MYO16: variants seen among roughly 807,000 people sequenced by gnomAD.
MYO16 encodes the protein myosin XVI, also known as unconventional myosin-XVI.
In MYO16, 94 loss-of-function variants were observed where a neutral mutation model predicts 205.3. That is an observed-to-expected ratio of 0.46 (90% CI 0.39 to 0.54). The LOEUF (loss-of-function observed/expected upper bound fraction) is 0.54, where lower values mean the gene tolerates loss of function less well. Ranked by LOEUF, MYO16 falls within the 20% of genes least tolerant of loss-of-function variation. The pLI is 0.00. For missense variants in MYO16, 2,315 were observed against 2,387.5 expected (o/e 0.97, Z 0.63); for synonymous variants, 988 against 954.0 (o/e 1.04, Z -0.66).
At chr13:108,554,935 A>G in the MYO16 span, among the ~76,000 whole-genome samples, 1 of 151,420 alleles carries the variant, frequency 6.6e-6, no homozygotes, top group Admixed American at 6.6e-5. Context: ...CTTGGAAGAG[A>G]TCTGGATATA....
chr13:109,006,793 C>A (rs1438398496), intron 21 of MYO16, among the ~76,000 whole-genome samples: 1 of 152,134 alleles, frequency 6.6e-6, no homozygotes, highest in East Asian at 1.9e-4. Context: ...GATGAGGGAA[C>A]ATAAAGGTCT....
At chr13:109,185,047 G>A (rs1879627381) in intron 34 of MYO16, among the ~76,000 whole-genome samples, 1 of 152,144 alleles carries the variant, frequency 6.6e-6, no homozygotes, top group Non-Finnish European at 1.5e-5. Flanking sequence ...TGTTATTACA[G>A]GAGTGAGCCA....
rs537571274 is a variant in MYO16, at chr13:108,900,538, G to C, written c.1777+2405G>C. 7.9e-5 allele frequency among the ~76,000 whole-genome samples: 12 copies of C among 152,216 alleles called. No homozygotes were observed. In the South Asian group the frequency reaches 2.5e-3, roughly 32 times the overall value. ...AATTAATACTTTTATAATTTCTTAC[G>C]CCTGTCTTTACTGCAGTCTCTGAAC... is the stretch of plus-strand genomic sequence containing the variant. On this transcript the variant is annotated intron_variant, in intron 15 of 34. Coordinates refer to ENST00000457511, the MANE Select transcript of MYO16 (RefSeq NM_001198950.3).
At chr13:108,975,541 C>T (rs1884223855) in intron 20 of MYO16, among the ~76,000 whole-genome samples, 1 of 152,070 alleles carries the variant, frequency 6.6e-6, no homozygotes, top group Non-Finnish European at 1.5e-5. Flanking sequence ...AGGGACGCAG[C>T]CATCAGGAGC....
intron 21 of MYO16, among the ~76,000 whole-genome samples, chr13:109,003,106 G>A (rs941047603): frequency 8.6e-5 from 13 of 151,380 alleles, no homozygotes; most frequent in Non-Finnish European, 1.6e-4. Context: ...AAATTATTTT[G>A]AAAAAAAACA....
At chr13:108,929,962 A>G (rs1342029264) in intron 16 of MYO16, among the ~76,000 whole-genome samples, 1 of 152,236 alleles carries the variant, frequency 6.6e-6, no homozygotes, top group Non-Finnish European at 1.5e-5. Flanking sequence ...TGCATGAATA[A>G]GAATAGATCT....
At chr13:108,625,691 G>A (rs570975966), upstream of MYO16, among the ~76,000 whole-genome samples, 1 of 152,224 alleles carries the variant, frequency 6.6e-6, no homozygotes, top group South Asian at 2.1e-4. Flanking sequence ...CTATTCACAG[G>A]GCAGAGGCAA....
At chr13:108,498,440 A>C in the MYO16 span, among the ~76,000 whole-genome samples, 3 of 152,134 alleles carry the variant, frequency 2.0e-5, no homozygotes, top group Non-Finnish European at 4.4e-5. Context: ...CTCCTGAGAA[A>C]AGGGCTGGCC....
At chr13:108,970,995 G>A (rs565554976) in intron 20 of MYO16, among the ~76,000 whole-genome samples, 13 of 152,058 alleles carry the variant, frequency 8.5e-5, no homozygotes, top group African/African-American at 3.1e-4. Context: ...TTTTATAAAG[G>A]ATATCATCCA....
chr13:108,650,872 A>G (rs1175822671), intron 1 of MYO16, among the ~76,000 whole-genome samples: 1 of 152,204 alleles, frequency 6.6e-6, no homozygotes, highest in African/African-American at 2.4e-5. Context: ...GGAAACAGCC[A>G]TAGGAGGCAG....
intron 5 of MYO16, among the ~76,000 whole-genome samples, chr13:108,793,009 A>G (rs1269976363): frequency 1.3e-5 from 2 of 152,334 alleles, no homozygotes; most frequent in East Asian, 3.9e-4. Context: ...AAGGCATCAT[A>G]TCATACTTTA....
chr13:108,754,099 A>G (rs542373070), intron 4 of MYO16, among the ~76,000 whole-genome samples: 9 of 152,344 alleles, frequency 5.9e-5, no homozygotes, highest in African/African-American at 2.2e-4. Flanking sequence ...AGCATGCAGG[A>G]CAAGTTGTAG....
intron 28 of MYO16, among the ~76,000 whole-genome samples, chr13:109,109,099 A>G (rs1339043806): frequency 3.3e-5 from 5 of 152,176 alleles, no homozygotes; most frequent in African/African-American, 1.2e-4. Context: ...CCTGCTGGAT[A>G]ATATGAGGCC....
intron 2 of MYO16, among the ~76,000 whole-genome samples, chr13:108,707,985 T>G (rs1926520): frequency 0.86 from 130,116 of 152,054 alleles, 57,085 homozygotes; most frequent in Non-Finnish European, 0.97. Context: ...AGCAATGGTT[T>G]TGTGACCCTC....
chr13:109,029,993 T>A (rs1389282043), intron 23 of MYO16, among the ~76,000 whole-genome samples: 2 of 152,196 alleles, frequency 1.3e-5, no homozygotes, highest in Non-Finnish European at 2.9e-5. Flanking sequence ...GTATATTTTT[T>A]CATAAAGGAA....
intron 12 of MYO16, among the ~76,000 whole-genome samples, chr13:108,878,031 C>T (rs904547201): frequency 1.3e-5 from 2 of 152,032 alleles, no homozygotes; most frequent in African/African-American, 2.4e-5. Context: ...GTTTTCTTTA[C>T]CTAAATAGAT....
chr13:108,714,116 G>A (rs1394842644), intron 3 of MYO16, among the ~76,000 whole-genome samples: 8 of 152,082 alleles, frequency 5.3e-5, no homozygotes, highest in Non-Finnish European at 1.2e-4. Flanking sequence ...GAGTGCAGTG[G>A]TGCAATCTCG....
intron 2 of MYO16, among the ~76,000 whole-genome samples, chr13:108,670,106 A>G (rs930806065): frequency 3.9e-5 from 6 of 152,122 alleles, no homozygotes; most frequent in Admixed American, 1.3e-4. Context: ...ATAAAATAAA[A>G]ATAATTCATG....
rs900495772 is a variant in MYO16, at chr13:108,920,830, T to C, written c.1925+10680T>C. On this transcript the variant is annotated intron_variant, in intron 16 of 34. Transcript: ENST00000457511. ...ATATTTATTTTCGTATCTTAAATAA[T>C]GAACCATATGGAGATGTGAAAGAGG... Among the ~76,000 whole-genome samples the C allele has an allele frequency of 4.6e-5, 7 of 152,224 alleles. No homozygotes were observed. The South Asian group carries it at 1.4e-3, about 32-fold the overall frequency.
Sources: gnomAD v4.1 joint callset for allele counts (sites outside exome capture counted in the v4.1 genomes callset) on GRCh38, gnomAD v4.1.1 for gene constraint, MANE v1.5 for transcripts, NCBI Gene and HGNC (gene_info 2026-07-23, HGNC 2026-07-21) for gene names.